The following ADAMTS2 variants were observed in gnomAD, a reference collection of about 807,000 sequenced individuals.
ADAMTS2 encodes A disintegrin and metalloproteinase with thrombospondin motifs 2.
ADAMTS2 carries 50 observed loss-of-function variants against 123.0 expected under a neutral mutation model. The ratio of observed to expected loss-of-function variants is 0.41; its 90% confidence interval spans 0.32 to 0.51. The LOEUF is 0.51. Ranked by LOEUF, ADAMTS2 falls within the 20% of genes least tolerant of loss-of-function variation. The probability of loss-of-function intolerance (pLI) is 0.35; values close to 1 mark genes in which losing one functional copy is unlikely to be tolerated. For missense variants in ADAMTS2, 1,494 were observed against 1,705.2 expected (o/e 0.88, Z 2.18); for synonymous variants, 678 against 695.4 (o/e 0.98, Z 0.39).
chr5:179,286,354 A>G (rs554858887), intron 2 of ADAMTS2, among the ~76,000 whole-genome samples: 21 of 151,140 alleles, frequency 1.4e-4, no homozygotes, highest in African/African-American at 5.1e-4. Context: ...GTCTGCACAC[A>G]CCGCCCCTCC....
chr5:179,320,544 T>C (rs537177280), intron 2 of ADAMTS2, among the ~76,000 whole-genome samples: 53 of 151,292 alleles, frequency 3.5e-4, no homozygotes, highest in African/African-American at 1.2e-3. Flanking sequence ...GGTCTCAATC[T>C]CCTGACCTTG....
rs1192786030 is a variant in ADAMTS2, at chr5:179,162,604, G to T, written c.976-3725C>A. The stretch of plus-strand genomic sequence containing the variant: ...ACCCATGTCAGCTTTACCCCACACG[G>T]TCGCCCCTGCTCGAGGGACCCAAGA... On this transcript the variant is annotated intron_variant, in intron 5 of 21. Transcript: ENST00000251582. This position sits in a 1 kb window ranked among gnomAD's most constrained non-coding sequence, Gnocchi z 5.1. Among the ~76,000 whole-genome samples the T allele has an allele frequency of 1.3e-5, 2 of 152,146 alleles. No individual in the cohort carries two copies. Among genetic ancestry groups the T allele is most frequent in the Non-Finnish European group, 2.9e-5 (2 of 68,040 alleles).
At chr5:179,195,290 G>A (rs529506763) in intron 4 of ADAMTS2, among the ~76,000 whole-genome samples, 1 of 152,222 alleles carries the variant, frequency 6.6e-6, no homozygotes, top group Admixed American at 6.5e-5. Context: ...CAACTCGAGT[G>A]GTGCTCCCAA....
intron 2 of ADAMTS2, among the ~76,000 whole-genome samples, chr5:179,292,042 C>A (rs1756203755): frequency 2.0e-5 from 3 of 152,012 alleles, no homozygotes; most frequent in African/African-American, 7.2e-5. Context: ...CCACACCTGG[C>A]CCAAACATTA....
chr5:179,237,919 C>T (rs995202889), intron 3 of ADAMTS2, among the ~76,000 whole-genome samples: 2 of 152,214 alleles, frequency 1.3e-5, no homozygotes, highest in African/African-American at 4.8e-5. Context: ...GCTCCCGACA[C>T]GCACGCCGCA....
Position 179,201,631 on chromosome 5 carries a change from C to CAAAAAA in ADAMTS2, c.891+5876_891+5881dup, listed in dbSNP as rs58141791. The stretch of plus-strand genomic sequence containing the variant: ...GAAACCACTGTCTTTACTAAAAATA[C>CAAAAAA]AAAAAAAAAAAAAAAAAAAAATTAG... On this transcript the variant is annotated intron_variant, in intron 4 of 21. Transcript: ENST00000251582. 4.3e-3 allele frequency among the ~76,000 whole-genome samples: 392 copies of CAAAAAA among 91,876 alleles called. 5 individuals are homozygous for CAAAAAA. The highest frequency in any genetic ancestry group is 8.5e-3 in the African/African-American group (191 of 22,522). The allele number at this position is 91,876 out of a possible 152,430, so 60.3% of individuals were successfully genotyped here.
intron 11 of ADAMTS2, among the ~76,000 whole-genome samples, chr5:179,139,562 C>A (rs1180227768): frequency 2.0e-5 from 3 of 152,106 alleles, no homozygotes; most frequent in Admixed American, 6.5e-5. Context: ...TGAGAGACCA[C>A]CCCCGCTTAC....
At chr5:179,304,699 G>A (rs1366229240) in intron 2 of ADAMTS2, among the ~76,000 whole-genome samples, 1 of 152,212 alleles carries the variant, frequency 6.6e-6, no homozygotes, top group Non-Finnish European at 1.5e-5. Context: ...AAGAGCCTTA[G>A]AGACTGTGGG....
chr5:179,195,493 C>T lies in ADAMTS2; in HGVS notation c.891+12020G>A, dbSNP rs190967618. 2.6e-5 allele frequency among the ~76,000 whole-genome samples: 4 copies of T among 152,262 alleles called. No individual in the cohort carries two copies. The East Asian group carries it at 7.7e-4, about 29-fold the overall frequency. On this transcript the variant is annotated intron_variant, in intron 4 of 21. Coordinates refer to ENST00000251582, the MANE Select transcript of ADAMTS2 (RefSeq NM_014244.5). ...CACATTGAAAAATAATTAGATTTCCCAAAAAAAGTAGATTTCCAGCTTCTC... is the reference window on the plus strand; with the variant it reads ...CACATTGAAAAATAATTAGATTTCCTAAAAAAAGTAGATTTCCAGCTTCTC...
At chr5:179,294,669 C>T (rs991891037) in intron 2 of ADAMTS2, among the ~76,000 whole-genome samples, 4 of 152,256 alleles carry the variant, frequency 2.6e-5, no homozygotes, top group East Asian at 1.9e-4. Context: ...CACCCACATC[C>T]GCAGGGTGGC....
At chr5:179,137,367 C>T (rs554692018) in intron 12 of ADAMTS2, among the ~76,000 whole-genome samples, 11 of 152,386 alleles carry the variant, frequency 7.2e-5, no homozygotes, top group Non-Finnish European at 1.0e-4. Flanking sequence ...TTCTGACACT[C>T]GCAACTGAGA....
chr5:179,251,128 A>G (rs1001498980), intron 3 of ADAMTS2, among the ~76,000 whole-genome samples: 5 of 152,188 alleles, frequency 3.3e-5, no homozygotes, highest in African/African-American at 9.6e-5. Context: ...TTCAAATCCC[A>G]GATCCTCCAC....
chr5:179,205,466 T>C (rs252063), intron 4 of ADAMTS2, among the ~76,000 whole-genome samples: 116,154 of 152,248 alleles, frequency 0.76, 44,663 homozygotes, highest in African/African-American at 0.84. Context: ...ATGAGAAAAC[T>C]AAGGCTCAGA....
chr5:179,323,497 A>G (rs1757238690), intron 2 of ADAMTS2, among the ~76,000 whole-genome samples: 1 of 152,252 alleles, frequency 6.6e-6, no homozygotes, highest in African/African-American at 2.4e-5. Flanking sequence ...AGCACTTGCC[A>G]GGGGCCGTTG....
At chr5:179,254,732 C>G (rs1258641638) in intron 3 of ADAMTS2, among the ~76,000 whole-genome samples, 2 of 152,162 alleles carry the variant, frequency 1.3e-5, no homozygotes, top group African/African-American at 2.4e-5. Context: ...TTGATGGCGT[C>G]AAAGATGCAC....
chr5:179,175,327 C>T lies in ADAMTS2; in HGVS notation c.975+5745G>A, dbSNP rs1311209631. On this transcript the variant is annotated intron_variant, in intron 5 of 21. Coordinates refer to ENST00000251582, the MANE Select transcript of ADAMTS2 (RefSeq NM_014244.5). The surrounding 1 kb of genome is among the most constrained non-coding windows in gnomAD (Gnocchi z 4.1). ...GCTGTCTCAGCCATTCTTGACCGTT[C>T]GTGTTCCTAGATGGTGCTTAGAATC... 1.3e-5 allele frequency among the ~76,000 whole-genome samples: 2 copies of T among 152,232 alleles called. No individual in the cohort carries two copies. Among genetic ancestry groups the T allele is most frequent in the Non-Finnish European group, 2.9e-5 (2 of 68,050 alleles).
At chr5:179,166,782 G>A (rs1763708927) in intron 5 of ADAMTS2, among the ~76,000 whole-genome samples, 1 of 152,206 alleles carries the variant, frequency 6.6e-6, no homozygotes, top group African/African-American at 2.4e-5. Flanking sequence ...CTCCTTGAGG[G>A]CCGGGTGGTT....
chr5:179,267,458 A>C (rs1766405519), intron 3 of ADAMTS2, among the ~76,000 whole-genome samples: 1 of 152,212 alleles, frequency 6.6e-6, no homozygotes, highest in Non-Finnish European at 1.5e-5. Flanking sequence ...GGGTGGAGGC[A>C]GCCAAGGTCA....
Position 179,170,262 on chromosome 5 carries a change from C to T in ADAMTS2, c.975+10810G>A, listed in dbSNP as rs895055353. Among the ~76,000 whole-genome samples, 1 of 152,130 alleles carries T rather than the reference C, an allele frequency of 6.6e-6. No individual in the cohort carries two copies. The highest frequency in any genetic ancestry group is 1.5e-5 in the Non-Finnish European group (1 of 68,014). On this transcript the variant is annotated intron_variant, in intron 5 of 21. Transcript: ENST00000251582. The surrounding 1 kb of genome is among the most constrained non-coding windows in gnomAD (Gnocchi z 4.3). ...AGCCTGGTGAGGCCTGGGGGACAGG[C>T]AATGGGGGAGCGGCAGGTGGGGAGC... is the stretch of plus-strand genomic sequence containing the variant.
Sources: allele counts gnomAD v4.1 joint callset (sites outside exome capture counted in the v4.1 genomes callset), GRCh38; gene constraint gnomAD v4.1.1; non-coding constraint Gnocchi (gnomAD v3.1); transcripts MANE v1.5; gene names NCBI Gene and HGNC (gene_info 2026-07-23, HGNC 2026-07-21).